Variants in FYB1 observed in about 807,000 individuals in gnomAD.
The protein encoded by FYB1 is FYN binding protein 1.
Under a neutral mutation model 94.1 loss-of-function variants are expected in FYB1, and 41 were observed. The ratio of observed to expected loss-of-function variants is 0.44; its 90% CI spans 0.34 to 0.57. FYB1 has a LOEUF of 0.57. Ranked by LOEUF, FYB1 falls within the 20% of genes least tolerant of loss-of-function variation. The pLI is 0.02. For missense variants in FYB1, 1,050 were observed against 976.8 expected, an observed-to-expected ratio of 1.07 and a Z score of -1.00; for synonymous variants, 367 against 353.2, an observed-to-expected ratio of 1.04 and a Z score of -0.44.
intron 1 of FYB1, among the ~76,000 whole-genome samples, chr5:39,228,446 T>C (rs1457162369): frequency 6.6e-6 from 1 of 152,188 alleles, no homozygotes; most frequent in Admixed American, 6.6e-5. Context: ...AACCAAAATG[T>C]GTCTACCCCT....
intron 2 of FYB1, 150 bp from the exon 3 acceptor site, chr5:39,153,754 T>A (rs191280211): frequency 4.1e-5 from 29 of 702,130 alleles, no homozygotes; most frequent in African/African-American, 3.6e-4. Context: ...ATGTTTATTT[T>A]ATTATTATTA....
chr5:39,202,661 G>A lies in FYB1; in HGVS notation c.300C>T (p.Thr100=). The part of the protein sequence containing the change: ...QRFGTPASLT[T]RDPEAKVGFL... ...ATCCCACTTTCGCCTCGGGGTCTCT[G>A]GTGGTCAAGCTGGCTGGTGTTCCGA... The change falls in exon 2 of 19, where the codon ACC becomes ACT. Residue 100 remains threonine, a synonymous_variant. Transcript: ENST00000512982. The A allele has an allele frequency of 1.9e-6, 3 of 1,613,882 alleles. No homozygotes were observed. The highest frequency in any genetic ancestry group is 2.2e-5 in the South Asian group (2 of 91,080).
intron 12 of FYB1, among the ~76,000 whole-genome samples, chr5:39,124,890 C>T (rs2150293889): frequency 6.7e-6 from 1 of 150,246 alleles, no homozygotes; most frequent in Admixed American, 6.7e-5. Context: ...CTTCTATTTT[C>T]TGAAATATGA....
chr5:39,247,345 T>TAC (rs1751525366), intron 1 of FYB1, among the ~76,000 whole-genome samples: 1 of 151,806 alleles, frequency 6.6e-6, no homozygotes, highest in African/African-American at 2.4e-5. Flanking sequence ...AATTGTAACA[T>TAC]ACGGGGTATA....
At position 39,202,403 on chromosome 5, in the gene FYB1, A is replaced by G; in HGVS notation, c.558T>C (p.Asp186=). The stretch of plus-strand genomic sequence containing the variant: ...TGGGGAAGAGGGGCTTGGGTTCAAG[A>G]TCTTGTGATGCTGACATAAATTTCC... ...VKGKFMSASQ[D]LEPKPLFPKP... Residue 186 remains aspartate (D), a synonymous_variant, in exon 2 of 19, where the codon GAT becomes GAC. Transcript: ENST00000512982. 3 of 1,613,298 alleles carry G rather than the reference A, an allele frequency of 1.9e-6. No homozygotes were observed. The highest frequency in any genetic ancestry group is 2.5e-6 in the Non-Finnish European group (3 of 1,179,702).
intron 1 of FYB1, chr5:39,270,592 A>T: frequency 6.5e-7 from 1 of 1,535,144 alleles, no homozygotes; most frequent in South Asian, 1.2e-5. Flanking sequence ...AAGAGTTGAT[A>T]TGCCTGGCAC....
intron 1 of FYB1, among the ~76,000 whole-genome samples, chr5:39,243,406 C>T (rs1255073040): frequency 1.3e-5 from 2 of 151,486 alleles, no homozygotes; most frequent in Non-Finnish European, 2.9e-5. Flanking sequence ...GAATGCTTTC[C>T]CCATTTCTTG....
intron 2 of FYB1, among the ~76,000 whole-genome samples, chr5:39,154,656 G>A (rs1263635764): frequency 6.6e-6 from 1 of 151,992 alleles, no homozygotes; most frequent in African/African-American, 2.4e-5. Flanking sequence ...ATAGGTGCCT[G>A]CCACCATGCC....
intron 2 of FYB1, among the ~76,000 whole-genome samples, chr5:39,186,368 G>A (rs1746795966): frequency 6.6e-6 from 1 of 152,158 alleles, no homozygotes; most frequent in African/African-American, 2.4e-5. Flanking sequence ...AGGTTGCAGT[G>A]AGCCAATATA....
chr5:39,231,364 C>T (rs532431361), intron 1 of FYB1, among the ~76,000 whole-genome samples: 27 of 151,992 alleles, frequency 1.8e-4, no homozygotes, highest in African/African-American at 6.5e-4. Context: ...CATCTTTTCT[C>T]TCTAAATGTA....
chr5:39,201,719 T>C (rs1177278512), intron 2 of FYB1, 107 bp downstream of exon 2: 1 of 978,740 alleles, frequency 1.0e-6, no homozygotes, highest in African/African-American at 1.7e-5. Flanking sequence ...CACATATGAG[T>C]ACCAGATATA....
At chr5:39,155,105 C>A (rs1396499835) in intron 2 of FYB1, among the ~76,000 whole-genome samples, 1 of 151,828 alleles carries the variant, frequency 6.6e-6, no homozygotes, top group African/African-American at 2.4e-5. Context: ...TTACAAACTT[C>A]AAAAAAAATA....
intron 10 of FYB1, among the ~76,000 whole-genome samples, chr5:39,128,186 C>G (rs1422749559): frequency 3.9e-5 from 6 of 152,006 alleles, no homozygotes; most frequent in African/African-American, 1.4e-4. Flanking sequence ...GATCAAGACA[C>G]AAGAGAAGAA....
At chr5:39,236,237 G>T (rs1300606412) in intron 1 of FYB1, among the ~76,000 whole-genome samples, 1 of 152,002 alleles carries the variant, frequency 6.6e-6, no homozygotes, top group Non-Finnish European at 1.5e-5. Context: ...ATAATCACTA[G>T]AAAATTTATC....
intron 10 of FYB1, among the ~76,000 whole-genome samples, chr5:39,128,079 G>A (rs1209680655): frequency 2.6e-5 from 4 of 152,048 alleles, no homozygotes; most frequent in Non-Finnish European, 4.4e-5. Flanking sequence ...CTTAAATAGG[G>A]CATGGAGTTA....
intron 1 of FYB1, among the ~76,000 whole-genome samples, chr5:39,244,311 G>A (rs562618588): frequency 2.6e-5 from 4 of 152,200 alleles, no homozygotes; most frequent in South Asian, 2.1e-4. Flanking sequence ...TTTGAGGTAC[G>A]TCCCATCAAT....
At chr5:39,111,387 A>G (rs987931310) in intron 16 of FYB1, among the ~76,000 whole-genome samples, 6 of 151,990 alleles carry the variant, frequency 3.9e-5, no homozygotes, top group Non-Finnish European at 8.8e-5. Context: ...CAAATGTGTT[A>G]CAAATTATAA....
chr5:39,206,392 GT>G (rs984930389), intron 1 of FYB1, among the ~76,000 whole-genome samples: 3 of 152,088 alleles, frequency 2.0e-5, no homozygotes, highest in Admixed American at 6.5e-5. Flanking sequence ...ATAATAGGTA[GT>G]TTTTTTCTTT....
intron 13 of FYB1, among the ~76,000 whole-genome samples, chr5:39,123,515 A>G (rs1740327934): frequency 6.6e-6 from 1 of 152,134 alleles, no homozygotes; most frequent in African/African-American, 2.4e-5. Flanking sequence ...ATAGATTAGA[A>G]CACAAGCTTA....
Sources: gnomAD v4.1 joint callset for allele counts (sites outside exome capture counted in the v4.1 genomes callset) on GRCh38, gnomAD v4.1.1 for gene constraint, MANE v1.5 for transcripts, NCBI Gene and HGNC (gene_info 2026-07-23, HGNC 2026-07-21) for gene names.